The following GAS2 variants were observed in gnomAD, a reference collection of about 807,000 sequenced individuals.
GAS2 encodes the protein growth arrest-specific protein 2.
A neutral mutation model predicts 37.5 loss-of-function variants in GAS2; 20 were observed. The observed-to-expected ratio is 0.53, with a 90% CI of 0.37 to 0.77. The LOEUF (loss-of-function observed/expected upper bound fraction) is 0.77. Ranked by LOEUF, GAS2 falls within the 30% of genes least tolerant of loss-of-function variation. The probability of loss-of-function intolerance (pLI) is 0.00; values close to 1 mark genes in which losing one functional copy is unlikely to be tolerated. For missense variants in GAS2, 336 were observed against 373.4 expected, an observed-to-expected ratio of 0.90 and a Z score of 0.82; for synonymous variants, 144 against 132.2, an observed-to-expected ratio of 1.09 and a Z score of -0.61.
chr11:22,761,079 A>G (rs1854369388), intron 7 of GAS2, among the ~76,000 whole-genome samples: 1 of 152,068 alleles, frequency 6.6e-6, no homozygotes, highest in African/African-American at 2.4e-5. Context: ...TTCTCTCTCC[A>G]TTTTGGAAAT....
intron 5 of GAS2, 73 bp downstream of exon 5, chr11:22,737,841 C>A: frequency 7.7e-7 from 1 of 1,305,716 alleles, no homozygotes; most frequent in Non-Finnish European, 1.1e-6. Flanking sequence ...AGCTTGCTGG[C>A]TTTTCATTGC....
At chr11:22,725,229 C>A (rs995656189) in intron 3 of GAS2, among the ~76,000 whole-genome samples, 1 of 151,922 alleles carries the variant, frequency 6.6e-6, no homozygotes, top group Non-Finnish European at 1.5e-5. Flanking sequence ...TAAAATTTTA[C>A]GAGATGGTTA....
At chr11:22,710,312 A>C (rs889512069) in intron 3 of GAS2, among the ~76,000 whole-genome samples, 8 of 152,268 alleles carry the variant, frequency 5.3e-5, no homozygotes, top group African/African-American at 1.9e-4. Context: ...GAAAATACTT[A>C]TCTCATACAT....
chr11:22,680,406 T>A (rs184417124), intron 2 of GAS2, among the ~76,000 whole-genome samples: 1 of 152,148 alleles, frequency 6.6e-6, no homozygotes, highest in South Asian at 2.1e-4. Context: ...ATGAACTGTT[T>A]CCTACCTCAC....
intron 7 of GAS2, among the ~76,000 whole-genome samples, chr11:22,778,635 G>T (rs2134469972): frequency 6.6e-6 from 1 of 152,340 alleles, no homozygotes; most frequent in East Asian, 1.9e-4. Context: ...TATTTGAGGA[G>T]CAGTATAGCA....
intron 4 of GAS2, among the ~76,000 whole-genome samples, chr11:22,728,614 C>T (rs1236380561): frequency 1.3e-5 from 2 of 151,550 alleles, no homozygotes; most frequent in Non-Finnish European, 2.9e-5. Flanking sequence ...GTAAACTTCT[C>T]AGTACCAAGT....
intron 7 of GAS2, among the ~76,000 whole-genome samples, chr11:22,784,060 T>A (rs368634110): frequency 7.7e-4 from 117 of 152,296 alleles, no homozygotes; most frequent in African/African-American, 2.3e-3. Context: ...TGTAGTATAG[T>A]TTGAAGTTGG....
chr11:22,646,241 T>G (rs1183635652), intron 1 of GAS2, among the ~76,000 whole-genome samples: 1 of 152,226 alleles, frequency 6.6e-6, no homozygotes, highest in African/African-American at 2.4e-5. Context: ...TGCTAAGTTC[T>G]TCTCTAGCTC....
chr11:22,710,947 G>A (rs1159450579), intron 3 of GAS2, among the ~76,000 whole-genome samples: 1 of 152,114 alleles, frequency 6.6e-6, no homozygotes, highest in Admixed American at 6.6e-5. Context: ...ATTCAAGTAG[G>A]AAAAGTGGCA....
intron 1 of GAS2, among the ~76,000 whole-genome samples, chr11:22,652,526 G>T (rs1406814793): frequency 1.3e-5 from 2 of 152,230 alleles, no homozygotes; most frequent in Non-Finnish European, 2.9e-5. Flanking sequence ...CAGCCTGGCT[G>T]CCGCCTTGCA....
At chr11:22,728,207 A>T (rs1852304226) in intron 4 of GAS2, among the ~76,000 whole-genome samples, 1 of 151,964 alleles carries the variant, frequency 6.6e-6, no homozygotes, top group South Asian at 2.1e-4. Flanking sequence ...ATTGTCCATG[A>T]CTTCTTTTGT....
chr11:22,651,379 A>G (rs1848773843), intron 1 of GAS2, among the ~76,000 whole-genome samples: 1 of 152,182 alleles, frequency 6.6e-6, no homozygotes, highest in Non-Finnish European at 1.5e-5. Flanking sequence ...AGTTTGGTGA[A>G]TCTGACAATT....
At chr11:22,723,967 A>G (rs1047029073) in intron 3 of GAS2, among the ~76,000 whole-genome samples, 2 of 151,922 alleles carry the variant, frequency 1.3e-5, no homozygotes, top group African/African-American at 4.8e-5. Context: ...GGAATTATAT[A>G]AAATAAGTAA....
intron 1 of GAS2, among the ~76,000 whole-genome samples, chr11:22,648,542 CT>C (rs1565065366): frequency 6.6e-6 from 1 of 152,162 alleles, no homozygotes; most frequent in East Asian, 1.9e-4. Flanking sequence ...AATATTGATT[CT>C]TCCTACCCAT....
intron 1 of GAS2, among the ~76,000 whole-genome samples, chr11:22,633,605 G>A (rs1389842227): frequency 1.3e-5 from 2 of 152,174 alleles, no homozygotes; most frequent in Non-Finnish European, 1.5e-5. Context: ...AGCAGGTGTG[G>A]AATGCAATAT....
At chr11:22,764,499 G>T (rs1268150184) in intron 7 of GAS2, among the ~76,000 whole-genome samples, 1 of 147,692 alleles carries the variant, frequency 6.8e-6, no homozygotes, top group Non-Finnish European at 1.5e-5. Flanking sequence ...GGCGGAGCTT[G>T]CAGTGAGTGG....
intron 3 of GAS2, among the ~76,000 whole-genome samples, chr11:22,694,849 AC>A (rs2133987630): frequency 6.6e-6 from 1 of 152,222 alleles, no homozygotes; most frequent in African/African-American, 2.4e-5. Flanking sequence ...AAACAAACAA[AC>A]AAAAAACTTC....
chr11:22,668,936 A>G (rs79759686), intron 1 of GAS2, among the ~76,000 whole-genome samples: 4,447 of 152,246 alleles, frequency 0.029, 226 homozygotes, highest in African/African-American at 0.1. Context: ...TTTCCACTCA[A>G]TGTTTTTTGA....
At chr11:22,676,674 T>C (rs1403877402) in intron 2 of GAS2, among the ~76,000 whole-genome samples, 2 of 152,118 alleles carry the variant, frequency 1.3e-5, no homozygotes, top group African/African-American at 2.4e-5. Flanking sequence ...GTTATTATTA[T>C]TCTACTTATA....
Sources: gnomAD v4.1 joint callset for allele counts (sites outside exome capture counted in the v4.1 genomes callset) on GRCh38, gnomAD v4.1.1 for gene constraint, MANE v1.5 for transcripts, NCBI Gene and HGNC (gene_info 2026-07-23, HGNC 2026-07-21) for gene names.